Variants in DPP10 observed in about 807,000 individuals in gnomAD.
The protein encoded by DPP10 is inactive dipeptidyl peptidase 10.
DPP10 carries 33 observed loss-of-function variants against 120.9 expected under a neutral mutation model. That is an observed-to-expected ratio of 0.27 (90% CI 0.21 to 0.37). DPP10 has a LOEUF of 0.37. Ranked by LOEUF, DPP10 falls within the 10% of genes least tolerant of loss-of-function variation. The pLI, the probability that DPP10 is intolerant of heterozygous loss-of-function variation, is 1.00. For synonymous variants in DPP10, 337 were observed against 326.1 expected, an observed-to-expected ratio of 1.03 and a Z score of -0.36; for missense variants, 816 against 942.8, an observed-to-expected ratio of 0.87 and a Z score of 1.76.
At chr2:114,701,943 G>A (rs527775863) in intron 1 of DPP10, among the ~76,000 whole-genome samples, 3 of 152,236 alleles carry the variant, frequency 2.0e-5, no homozygotes, top group East Asian at 3.9e-4. Flanking sequence ...TGGATAGAAG[G>A]TGATTAATTC....
At chr2:114,724,840 T>A (rs1196623065) in intron 1 of DPP10, among the ~76,000 whole-genome samples, 1 of 152,160 alleles carries the variant, frequency 6.6e-6, no homozygotes, top group Non-Finnish European at 1.5e-5. Context: ...GGAGTAACAA[T>A]TTGCTTGATA....
intron 17 of DPP10, among the ~76,000 whole-genome samples, chr2:115,788,900 T>C (rs1174643277): frequency 6.6e-6 from 1 of 152,052 alleles, no homozygotes. Context: ...GTGGAGATCG[T>C]GAGGTCAGGA....
intron 1 of DPP10, among the ~76,000 whole-genome samples, chr2:115,171,234 G>A (rs1450264033): frequency 3.3e-5 from 5 of 151,766 alleles, no homozygotes; most frequent in African/African-American, 1.2e-4. Context: ...GGTGCCACAT[G>A]CCTATAATCC....
At chr2:115,031,701 T>A (rs1703853349) in intron 1 of DPP10, among the ~76,000 whole-genome samples, 2 of 151,776 alleles carry the variant, frequency 1.3e-5, no homozygotes, top group Non-Finnish European at 2.9e-5. Flanking sequence ...AACACCTTAA[T>A]TTTTTTTTAA....
chr2:114,812,582 T>TCACACACACA (rs1685266722), intron 1 of DPP10, among the ~76,000 whole-genome samples: 1 of 99,326 alleles, frequency 1.0e-5, no homozygotes, highest in African/African-American at 5.0e-5. Context: ...GGTGAGACAT[T>TCACACACACA]GACACACACA....
intron 3 of DPP10, among the ~76,000 whole-genome samples, chr2:115,418,413 C>T (rs763189586): frequency 6.6e-5 from 10 of 151,980 alleles, no homozygotes; most frequent in Non-Finnish European, 1.5e-4. Context: ...GAGTGAGAGA[C>T]TGAGAGAGAG....
intron 1 of DPP10, among the ~76,000 whole-genome samples, chr2:114,898,747 G>C (rs1487978303): frequency 2.6e-5 from 4 of 152,170 alleles, no homozygotes; most frequent in African/African-American, 9.7e-5. Context: ...CAAGAATGCA[G>C]CTCTCAAAGA....
At chr2:114,863,782 G>C (rs542268431) in intron 1 of DPP10, among the ~76,000 whole-genome samples, 1 of 152,180 alleles carries the variant, frequency 6.6e-6, no homozygotes, top group African/African-American at 2.4e-5. Flanking sequence ...GAAGAAAATA[G>C]TATTTTTATT....
At chr2:115,555,412 C>A (rs1024911935) in intron 5 of DPP10, among the ~76,000 whole-genome samples, 1 of 152,014 alleles carries the variant, frequency 6.6e-6, no homozygotes, top group African/African-American at 2.4e-5. Context: ...ACTACTTTAA[C>A]AAAGGATTAT....
chr2:115,446,750 A>G (rs958135507), intron 3 of DPP10, among the ~76,000 whole-genome samples: 29 of 152,080 alleles, frequency 1.9e-4, no homozygotes, highest in African/African-American at 7.0e-4. Flanking sequence ...TGTGCTTATT[A>G]GGTCCACTAT....
intron 3 of DPP10, among the ~76,000 whole-genome samples, chr2:115,448,563 A>G (rs775847276): frequency 5.9e-5 from 9 of 152,188 alleles, no homozygotes; most frequent in Non-Finnish European, 8.8e-5. Context: ...AAAACTTGCT[A>G]TATAAAGAAA....
intron 3 of DPP10, among the ~76,000 whole-genome samples, chr2:115,481,273 T>C (rs1432841729): frequency 6.6e-6 from 1 of 152,066 alleles, no homozygotes; most frequent in Non-Finnish European, 1.5e-5. Context: ...GGGAAGATCT[T>C]CTATGTCATG....
At chr2:115,074,435 T>G (rs540881513) in intron 1 of DPP10, among the ~76,000 whole-genome samples, 2 of 152,184 alleles carry the variant, frequency 1.3e-5, no homozygotes, top group African/African-American at 4.8e-5. Context: ...AAAACATTCA[T>G]AGCCACACGT....
chr2:114,852,712 G>A (rs1402117159), intron 1 of DPP10, among the ~76,000 whole-genome samples: 1 of 152,092 alleles, frequency 6.6e-6, no homozygotes, highest in African/African-American at 2.4e-5. Context: ...TCCTGAATCA[G>A]TGATCCAGAG....
chr2:114,819,294 A>C (rs1409051121), intron 1 of DPP10, among the ~76,000 whole-genome samples: 1 of 151,806 alleles, frequency 6.6e-6, no homozygotes, highest in South Asian at 2.1e-4. Flanking sequence ...AGTTGATTTC[A>C]GTGCTATTCT....
At chr2:114,740,910 A>T (rs1413112639) in intron 1 of DPP10, among the ~76,000 whole-genome samples, 1 of 152,220 alleles carries the variant, frequency 6.6e-6, no homozygotes, top group Non-Finnish European at 1.5e-5. Context: ...CATAGTTTAG[A>T]GTAATTTTGA....
At chr2:115,318,426 A>T (rs1183347265) in intron 2 of DPP10, among the ~76,000 whole-genome samples, 1 of 152,082 alleles carries the variant, frequency 6.6e-6, no homozygotes, top group Admixed American at 6.6e-5. Context: ...GTTCCATATA[A>T]ATTTGAGAAT....
intron 1 of DPP10, among the ~76,000 whole-genome samples, chr2:114,619,895 C>G (rs1693966544): frequency 6.6e-6 from 1 of 151,910 alleles, no homozygotes; most frequent in Admixed American, 6.6e-5. Context: ...ACTACTAATA[C>G]TACGATCATG....
At chr2:114,731,965 C>T (rs928714147) in intron 1 of DPP10, among the ~76,000 whole-genome samples, 4 of 152,180 alleles carry the variant, frequency 2.6e-5, no homozygotes, top group African/African-American at 9.6e-5. Flanking sequence ...CTATTTTTCC[C>T]ATATGAAAGT....
Sources: gnomAD v4.1 joint callset for allele counts (sites outside exome capture counted in the v4.1 genomes callset) on GRCh38, gnomAD v4.1.1 for gene constraint, MANE v1.5 for transcripts, NCBI Gene and HGNC (gene_info 2026-07-23, HGNC 2026-07-21) for gene names.